Variants in RAI14 observed in about 807,000 individuals in gnomAD.
RAI14 encodes the protein retinoic acid induced 14, also known as ankycorbin.
In RAI14, 45 loss-of-function variants were observed where a neutral mutation model predicts 115.4. The ratio of observed to expected loss-of-function variants is 0.39; its 90% CI spans 0.31 to 0.50. The LOEUF (loss-of-function observed/expected upper bound fraction) is 0.50. Ranked by LOEUF, RAI14 falls within the 20% of genes least tolerant of loss-of-function variation. RAI14 has a pLI of 0.85. For missense variants in RAI14, 939 were observed against 1,131.2 expected (o/e 0.83, Z 2.44); for synonymous variants, 371 against 415.4 (o/e 0.89, Z 1.30).
intron 2 of RAI14, among the ~76,000 whole-genome samples, chr5:34,719,193 G>T (rs893279771): frequency 2.6e-5 from 4 of 152,190 alleles, no homozygotes; most frequent in African/African-American, 9.7e-5. Context: ...GCATCTGACG[G>T]ATAATGCTGG....
At chr5:34,776,771 C>A (rs1750893352) in intron 3 of RAI14, among the ~76,000 whole-genome samples, 1 of 114,964 alleles carries the variant, frequency 8.7e-6, no homozygotes, top group Non-Finnish European at 2.2e-5. Context: ...TGCACCACTG[C>A]ACTCCAGCCT....
intron 2 of RAI14, among the ~76,000 whole-genome samples, chr5:34,714,277 CCTCAA>C (rs150582538): frequency 6.6e-5 from 10 of 152,174 alleles, no homozygotes; most frequent in Non-Finnish European, 8.8e-5. Context: ...GGTTTCTGTT[CCTCAA>C]CTCATTGTTC....
intron 2 of RAI14, among the ~76,000 whole-genome samples, chr5:34,722,965 T>C (rs1411749364): frequency 2.0e-5 from 3 of 151,572 alleles, no homozygotes; most frequent in African/African-American, 4.9e-5. Context: ...CCAGGCATGG[T>C]GGTATGCACT....
At chr5:34,693,058 G>C (rs1028973414) in intron 2 of RAI14, among the ~76,000 whole-genome samples, 2 of 152,122 alleles carry the variant, frequency 1.3e-5, no homozygotes, top group African/African-American at 4.8e-5. Context: ...CTGTGCATGT[G>C]TCTGTGCCCA....
In RAI14 at chr5:34,791,870, G is replaced by A. The variant is rs184809271; in HGVS notation, c.168-4069G>A. Reference sequence around the variant, plus strand: ...ACAGAGGAAGACAGCCACTGCCGAGGTATGGCTAGGGAAGGAGGGGAGGAG... The same window carrying A: ...ACAGAGGAAGACAGCCACTGCCGAGATATGGCTAGGGAAGGAGGGGAGGAG... On this transcript the variant is annotated intron_variant, in intron 3 of 17. Transcript: ENST00000265109. This position sits in a 1 kb window ranked among gnomAD's most constrained non-coding sequence, Gnocchi z 5.4. 7.9e-5 allele frequency among the ~76,000 whole-genome samples: 12 copies of A among 152,338 alleles called. No homozygotes were observed. The highest frequency in any genetic ancestry group is 5.9e-5 in the Non-Finnish European group (4 of 68,026).
At chr5:34,698,728 G>A (rs377313578) in intron 2 of RAI14, among the ~76,000 whole-genome samples, 86 of 152,254 alleles carry the variant, frequency 5.6e-4, no homozygotes, top group African/African-American at 8.9e-4. Flanking sequence ...CTCTCTATAC[G>A]TCATTGAAAG....
At chr5:34,731,347 T>C (rs1744147192) in intron 2 of RAI14, among the ~76,000 whole-genome samples, 1 of 152,250 alleles carries the variant, frequency 6.6e-6, no homozygotes, top group South Asian at 2.1e-4. Context: ...AAAATAAAGA[T>C]ACTTTGTCTA....
chr5:34,743,580 T>C (rs1302868419), intron 2 of RAI14, among the ~76,000 whole-genome samples: 2 of 152,194 alleles, frequency 1.3e-5, no homozygotes, highest in Non-Finnish European at 2.9e-5. Context: ...ACCCCCACAG[T>C]CACTTAGGAC....
At chr5:34,695,043 C>T (rs1391092664) in intron 2 of RAI14, among the ~76,000 whole-genome samples, 5 of 152,052 alleles carry the variant, frequency 3.3e-5, no homozygotes, top group East Asian at 1.9e-4. Flanking sequence ...TGATCACAGG[C>T]GTGTGCCACC....
At chr5:34,829,414 C>T (rs1289703399) in intron 16 of RAI14, among the ~76,000 whole-genome samples, 1 of 152,128 alleles carries the variant, frequency 6.6e-6, no homozygotes, top group Non-Finnish European at 1.5e-5. Context: ...TCTCAAACTC[C>T]TGACCTCAAG....
Position 34,677,241 on chromosome 5 carries a change from A to T in RAI14, c.-48-9631A>T, listed in dbSNP as rs558901321. On this transcript the variant is annotated intron_variant, in intron 1 of 17. Coordinates refer to ENST00000265109, the MANE Select transcript of RAI14 (RefSeq NM_015577.3). ...GTGCAGTGGCACGATCTCAGCTCAC[A>T]GCAACCTTTGTCTCCTGGCTTCAAG... Among the ~76,000 whole-genome samples, 3 of 123,748 alleles carry T rather than the reference A, an allele frequency of 2.4e-5. No homozygotes were observed. The South Asian group carries it at 7.5e-4, about 31-fold the overall frequency. The allele number at this position is 123,748 out of a possible 152,430, so 81.2% of individuals were successfully genotyped here.
Position 34,665,057 on chromosome 5 carries a change from G to GTA in RAI14, c.-49+8590_-49+8591dup, listed in dbSNP as rs372194692. Among the ~76,000 whole-genome samples, 81 of 31,370 alleles carry GTA rather than the reference G, an allele frequency of 2.6e-3. 21 individuals carry two copies. The highest frequency in any genetic ancestry group is 0.021 in the Middle Eastern group (1 of 48). 20.6% of individuals were successfully genotyped at this position (31,370 alleles called of 152,430 possible). On this transcript the variant is annotated intron_variant, in intron 1 of 17. Coordinates refer to ENST00000265109, the MANE Select transcript of RAI14 (RefSeq NM_015577.3). ...TGTATATATATGTGTATATATATGT[G>GTA]TATATATATGTGTATATATATGTGT...
chr5:34,746,482 G>A (rs1309446285), intron 2 of RAI14, among the ~76,000 whole-genome samples: 3 of 149,936 alleles, frequency 2.0e-5, no homozygotes, highest in Admixed American at 1.3e-4. Context: ...TCGGCTCACT[G>A]CAACCTCTGT....
chr5:34,756,505 G>A (rs980961939), intron 2 of RAI14, among the ~76,000 whole-genome samples: 2 of 152,166 alleles, frequency 1.3e-5, no homozygotes, highest in Admixed American at 6.5e-5. Context: ...CGCAGGAGAC[G>A]ACTGGAAGGC....
intron 3 of RAI14, among the ~76,000 whole-genome samples, chr5:34,786,045 C>A (rs1752254508): frequency 6.6e-6 from 1 of 152,220 alleles, no homozygotes; most frequent in Non-Finnish European, 1.5e-5. Context: ...TTTTGTGCAG[C>A]ATACATCTGT....
chr5:34,830,887 C>A lies in RAI14; in HGVS notation c.*122C>A. 1 of 1,491,918 alleles carries A rather than the reference C, an allele frequency of 6.7e-7. No individual in the cohort carries two copies. Among genetic ancestry groups the A allele is most frequent in the Non-Finnish European group, 8.9e-7 (1 of 1,118,550 alleles). The allele number at this position is 1,491,918 out of a possible 1,614,324, so 92.4% of individuals were successfully genotyped here. ...GCACTGTGGCCTAGCGTAGCTTCTT[C>A]CCTTTCCAAAGGTTTCTGAGGACTT... On this transcript the variant is annotated 3_prime_UTR_variant, in exon 18 of 18. Transcript: ENST00000265109.
At chr5:34,787,964 A>AGTGCAGTG (rs1294285313) in intron 3 of RAI14, among the ~76,000 whole-genome samples, 21 of 114,418 alleles carry the variant, frequency 1.8e-4, no homozygotes, top group African/African-American at 7.2e-4. Flanking sequence ...CCCAGGCTAG[A>AGTGCAGTG]GTGCAGTGGT....
chr5:34,678,864 T>C (rs1744187317), intron 1 of RAI14, among the ~76,000 whole-genome samples: 1 of 152,220 alleles, frequency 6.6e-6, no homozygotes, highest in South Asian at 2.1e-4. Flanking sequence ...CTGCCCTCTT[T>C]GTCCTTCCAA....
At chr5:34,815,701 T>C (rs1012886187) in intron 12 of RAI14, among the ~76,000 whole-genome samples, 4 of 152,184 alleles carry the variant, frequency 2.6e-5, no homozygotes, top group Admixed American at 2.6e-4. Context: ...TTCATCCAGA[T>C]AAAAGGAATA....
Sources: allele counts gnomAD v4.1 joint callset (sites outside exome capture counted in the v4.1 genomes callset), GRCh38; gene constraint gnomAD v4.1.1; non-coding constraint Gnocchi (gnomAD v3.1); transcripts MANE v1.5; gene names NCBI Gene and HGNC (gene_info 2026-07-23, HGNC 2026-07-21).